EGFL6: variants seen among roughly 807,000 people sequenced by gnomAD.
The protein encoded by EGFL6 is epidermal growth factor-like protein 6.
A neutral mutation model predicts 43.1 loss-of-function variants in EGFL6; 42 were observed. The observed-to-expected ratio is 0.98, with a 90% CI of 0.76 to 1.26. EGFL6 has a LOEUF of 1.26. Among genes scored for constraint, EGFL6 ranks in the 50% most tolerant of loss-of-function variants. The pLI is 0.00. For missense variants in EGFL6, 429 were observed against 427.8 expected (o/e 1.00, Z -0.02); for synonymous variants, 164 against 163.2 (o/e 1.01, Z -0.04).
At chrX:13,603,558 G>C in intron 5 of EGFL6, 122 bp downstream of exon 5, 4 of 853,493 alleles carry the variant, frequency 4.7e-6, no homozygotes, top group Non-Finnish European at 6.3e-6. Context: ...TAAAAGTACA[G>C]ATTTATATCA....
At chrX:13,591,328 G>A (rs146838958) in intron 2 of EGFL6, among the ~76,000 whole-genome samples, 1,141 of 111,524 alleles carry the variant, frequency 0.01, 11 homozygotes, top group African/African-American at 0.033. Flanking sequence ...TAAAACTTGT[G>A]AGACCCAGCA....
At chrX:13,575,442 C>G (rs144814989) in intron 1 of EGFL6, among the ~76,000 whole-genome samples, 2,016 of 111,608 alleles carry the variant, frequency 0.018, 40 homozygotes, top group East Asian at 0.062. Context: ...CAGACACACA[C>G]ACAGGAAAGA....
intron 7 of EGFL6, among the ~76,000 whole-genome samples, chrX:13,614,749 A>ATTTTT (rs144356394): frequency 8.5e-5 from 8 of 94,391 alleles, no homozygotes; most frequent in African/African-American, 2.8e-4. Flanking sequence ...CTCCCTCCAT[A>ATTTTT]TTTTTTTTTT....
At chrX:13,602,298 A>G (rs2045638157) in intron 4 of EGFL6, among the ~76,000 whole-genome samples, 1 of 111,498 alleles carries the variant, frequency 9.0e-6, no homozygotes, top group Non-Finnish European at 1.9e-5. Context: ...TTGGGCTGAA[A>G]CCATATGAGT....
At chrX:13,589,305 C>T (rs1426969049) in intron 1 of EGFL6, among the ~76,000 whole-genome samples, 6 of 111,868 alleles carry the variant, frequency 5.4e-5, no homozygotes, top group African/African-American at 1.9e-4. Flanking sequence ...AAAACATATA[C>T]TTTGGACATC....
intron 2 of EGFL6, 117 bp from the exon 3 acceptor site, chrX:13,594,719 T>C: frequency 9.8e-6 from 5 of 508,856 alleles, no homozygotes; most frequent in Non-Finnish European, 1.6e-5. Flanking sequence ...GGAGGCAGAT[T>C]GTCCTCTGTA....
intron 6 of EGFL6, among the ~76,000 whole-genome samples, chrX:13,607,222 T>C (rs1481440329): frequency 9.0e-6 from 1 of 111,439 alleles, no homozygotes; most frequent in African/African-American, 3.3e-5. Flanking sequence ...CTTTATATAA[T>C]GTAGGATGGG....
intron 3 of EGFL6, among the ~76,000 whole-genome samples, chrX:13,598,953 TA>T (rs1254897674): frequency 9.6e-6 from 1 of 104,448 alleles, no homozygotes; most frequent in African/African-American, 3.5e-5. Context: ...CATATATATA[TA>T]TATATTTTTT....
At position 13,633,314 on chromosome X, in the gene EGFL6, A is replaced by G; in HGVS notation, c.*219A>G. 1 of 316,202 alleles carries G rather than the reference A, an allele frequency of 3.2e-6. No individual in the cohort carries two copies. Among genetic ancestry groups the G allele is most frequent in the African/African-American group, 2.8e-5 (1 of 36,340 alleles). The allele number at this position is 316,202 out of a possible 1,213,427, so 26.1% of individuals were successfully genotyped here. A position where few individuals can be genotyped will look rare whatever the true frequency, so the allele number is the denominator to read the frequency against. On this transcript the variant is annotated 3_prime_UTR_variant, in exon 12 of 12. Transcript: ENST00000361306. The stretch of plus-strand genomic sequence containing the variant: ...AGTCATTTCTGAATCTTTCCACATT[A>G]TATTATAAAATATGGAAATGTCAGT...
intron 1 of EGFL6, among the ~76,000 whole-genome samples, chrX:13,581,962 G>GGGGGCTCACCTTTTTC (rs2045508366): frequency 8.9e-6 from 1 of 111,742 alleles, no homozygotes; most frequent in Non-Finnish European, 1.9e-5. Context: ...GACAGAGAGA[G>GGGGGCTCACCTTTTTC]AGTGAGAGAG....
At chrX:13,611,432 T>G (rs1387126553) in intron 7 of EGFL6, among the ~76,000 whole-genome samples, 2 of 111,940 alleles carry the variant, frequency 1.8e-5, no homozygotes, top group Non-Finnish European at 3.8e-5. Flanking sequence ...AAAGCATTTG[T>G]TTCAATAAGT....
intron 7 of EGFL6, among the ~76,000 whole-genome samples, chrX:13,611,203 A>G (rs2045687017): frequency 8.9e-6 from 1 of 111,855 alleles, no homozygotes; most frequent in Non-Finnish European, 1.9e-5. Context: ...ACACTAAGAC[A>G]AATATGTCTC....
At chrX:13,592,087 C>G (rs963786832) in intron 2 of EGFL6, among the ~76,000 whole-genome samples, 1 of 111,202 alleles carries the variant, frequency 9.0e-6, no homozygotes, top group Non-Finnish European at 1.9e-5. Context: ...CTTACTGAAG[C>G]TTTAACCTTA....
chrX:13,597,968 G>C (rs1457872935), intron 3 of EGFL6, among the ~76,000 whole-genome samples: 1 of 112,077 alleles, frequency 8.9e-6, no homozygotes, highest in Non-Finnish European at 1.9e-5. Context: ...TTAACGTTGA[G>C]GGAGTGGTCC....
intron 9 of EGFL6, among the ~76,000 whole-genome samples, chrX:13,623,517 G>A (rs1240913653): frequency 6.6e-5 from 7 of 106,527 alleles, no homozygotes; most frequent in South Asian, 8.6e-4. Context: ...GGGATTACAG[G>A]TGTCTGCCAC....
intron 7 of EGFL6, among the ~76,000 whole-genome samples, chrX:13,613,301 G>A (rs1018336402): frequency 9.2e-6 from 1 of 109,161 alleles, no homozygotes; most frequent in Non-Finnish European, 1.9e-5. Context: ...GTACCTAAAG[G>A]AAGAAGCACC....
In EGFL6 at chrX:13,626,910, A is replaced by C; in HGVS notation, c.1286-101A>C. Reference sequence around the variant, plus strand: ...AATGAAAAGGACTTCAGCTTTCCCTATAGGAGACTATTGTTTACTTTTTAT... The same window carrying C: ...AATGAAAAGGACTTCAGCTTTCCCTCTAGGAGACTATTGTTTACTTTTTAT... On this transcript the variant is annotated intron_variant, in intron 10 of 11. Transcript: ENST00000361306. 3 of 910,939 alleles carry C rather than the reference A, an allele frequency of 3.3e-6. No homozygotes were observed. In the South Asian group the frequency reaches 7.2e-5, roughly 22 times the overall value. 75.1% of individuals were successfully genotyped at this position (910,939 alleles called of 1,213,427 possible). A position where few individuals can be genotyped will look rare whatever the true frequency, so the allele number is the denominator to read the frequency against.
chrX:13,619,093 T>C (rs2045735539), intron 8 of EGFL6, 70 bp from the exon 9 acceptor site: 2 of 837,213 alleles, frequency 2.4e-6, no homozygotes, highest in Non-Finnish European at 3.6e-6. Context: ...TGTTTGGTCA[T>C]TTGATTGATA....
chrX:13,616,715 C>G (rs886615110), intron 7 of EGFL6, among the ~76,000 whole-genome samples: 1 of 112,554 alleles, frequency 8.9e-6, no homozygotes, highest in Admixed American at 9.3e-5. Flanking sequence ...GGGCAAGTCA[C>G]TTAACACCCA....
Sources: allele counts gnomAD v4.1 joint callset (sites outside exome capture counted in the v4.1 genomes callset), GRCh38; gene constraint gnomAD v4.1.1; transcripts MANE v1.5; gene names NCBI Gene and HGNC (gene_info 2026-07-23, HGNC 2026-07-21).